The following PWWP3B variants were observed in gnomAD, a reference collection of about 807,000 sequenced individuals.
PWWP3B encodes PWWP domain-containing DNA repair factor 3B.
A neutral mutation model predicts 15.7 loss-of-function variants in PWWP3B; 5 were observed. That is an observed-to-expected ratio of 0.32 (90% confidence interval 0.17 to 0.67). The LOEUF (loss-of-function observed/expected upper bound fraction) is 0.67, where lower values mean the gene tolerates loss of function less well. Ranked by LOEUF, PWWP3B falls within the 30% of genes least tolerant of loss-of-function variation. The probability of loss-of-function intolerance (pLI) is 0.74; values close to 1 mark genes in which losing one functional copy is unlikely to be tolerated. For synonymous variants in PWWP3B, 203 were observed against 179.8 expected (o/e 1.13, Z -1.03); for missense variants, 519 against 493.1 (o/e 1.05, Z -0.50).
intron 2 of PWWP3B, among the ~76,000 whole-genome samples, chrX:106,195,419 A>C (rs933861473): frequency 1.8e-5 from 2 of 111,598 alleles, no homozygotes; most frequent in African/African-American, 6.5e-5. Context: ...CTAGACCAAA[A>C]TCTTAAAGAT....
chrX:106,175,243 T>C (rs1468516335), intron 2 of PWWP3B, among the ~76,000 whole-genome samples: 26 of 88,886 alleles, frequency 2.9e-4, no homozygotes, highest in African/African-American at 8.7e-4. Context: ...TTTCTTTTTT[T>C]TTTTTTTTTT....
chrX:106,184,734 A>G (rs1331145703), intron 2 of PWWP3B, among the ~76,000 whole-genome samples: 1 of 112,075 alleles, frequency 8.9e-6, no homozygotes, highest in Non-Finnish European at 1.9e-5. Context: ...CTATATACCT[A>G]TCGGGATTGT....
intron 2 of PWWP3B, among the ~76,000 whole-genome samples, chrX:106,187,017 A>G (rs1486332382): frequency 8.9e-6 from 1 of 111,815 alleles, no homozygotes; most frequent in East Asian, 2.8e-4. Context: ...AAAGTTCTCC[A>G]AGTCCCCACT....
intron 2 of PWWP3B, among the ~76,000 whole-genome samples, chrX:106,194,198 C>T (rs905798352): frequency 5.4e-5 from 6 of 111,846 alleles, no homozygotes; most frequent in Admixed American, 1.9e-4. Context: ...TAGATTTGGT[C>T]TTTTCACATA....
intron 2 of PWWP3B, among the ~76,000 whole-genome samples, chrX:106,187,257 G>T (rs1394151819): frequency 8.9e-6 from 1 of 112,294 alleles, no homozygotes; most frequent in Non-Finnish European, 1.9e-5. Context: ...TGCAGTAGAG[G>T]TTTATTTGTC....
At chrX:106,172,540 G>A (rs932139296) in intron 2 of PWWP3B, among the ~76,000 whole-genome samples, 5 of 109,598 alleles carry the variant, frequency 4.6e-5, no homozygotes, top group Non-Finnish European at 9.5e-5. Flanking sequence ...GGTCAAGATC[G>A]TCAATATCAC....
At chrX:106,181,870 C>A (rs1023891043) in intron 2 of PWWP3B, among the ~76,000 whole-genome samples, 1 of 111,842 alleles carries the variant, frequency 8.9e-6, no homozygotes, top group Non-Finnish European at 1.9e-5. Context: ...ATAAATTTGA[C>A]AAGGAGGTTA....
intron 2 of PWWP3B, among the ~76,000 whole-genome samples, chrX:106,185,831 A>G (rs1282243703): frequency 1.8e-5 from 2 of 111,803 alleles, no homozygotes; most frequent in Non-Finnish European, 3.8e-5. Flanking sequence ...CATCATATGA[A>G]TAGGAAGGAT....
In PWWP3B at chrX:106,206,456, A is replaced by C. The variant is rs1011660322; in HGVS notation, c.1024A>C (p.Arg342=). Reference sequence around the variant, plus strand: ...TATGAGTAGTGAAAGAAATTTTCAGAGACTGGATTTTGAAGAACTTGAGGA... The same window carrying C: ...TATGAGTAGTGAAAGAAATTTTCAGCGACTGGATTTTGAAGAACTTGAGGA... ...HLMSSERNFQ[R]LDFEELEEEG... Residue 342 remains arginine, a synonymous_variant, in exon 4 of 4, where the codon AGA becomes CGA. Transcript: ENST00000357175. The C allele has an allele frequency of 4.1e-6, 5 of 1,209,691 alleles. No individual in the cohort carries two copies. The highest frequency in any genetic ancestry group is 4.5e-6 in the Non-Finnish European group (4 of 894,438).
chrX:106,205,063 C>T (rs1923912796), intron 3 of PWWP3B, among the ~76,000 whole-genome samples, 156 bp from the exon 4 acceptor site: 1 of 109,806 alleles, frequency 9.1e-6, no homozygotes, highest in Non-Finnish European at 1.9e-5. Context: ...TTCCACCCCT[C>T]CCCCCCGCAA....
chrX:106,171,761 T>A (rs949870732), intron 2 of PWWP3B, among the ~76,000 whole-genome samples: 1 of 110,388 alleles, frequency 9.1e-6, no homozygotes, highest in Non-Finnish European at 1.9e-5. Flanking sequence ...ACCATGTTAC[T>A]GTACTGAATA....
At chrX:106,192,462 A>G (rs1209214686) in intron 2 of PWWP3B, among the ~76,000 whole-genome samples, 3 of 111,074 alleles carry the variant, frequency 2.7e-5, no homozygotes, top group African/African-American at 9.8e-5. Context: ...GTAGCGGTCT[A>G]TCAATTTTGT....
In PWWP3B at chrX:106,184,599, A is replaced by G. The variant is rs750435094; in HGVS notation, c.-401+13460A>G. Among the ~76,000 whole-genome samples the G allele has an allele frequency of 4.5e-5, 5 of 111,938 alleles. No individual in the cohort carries two copies. In the South Asian group the frequency reaches 1.9e-3, roughly 42 times the overall value. On this transcript the variant is annotated intron_variant, in intron 2 of 3. Coordinates refer to ENST00000357175, the MANE Select transcript of PWWP3B (RefSeq NM_001171020.2). ...CATTTACTTGACTAAGATACCAGATATCTTCAAACTCTTGGGCTGCAGCTA... is the reference window on the plus strand; with the variant it reads ...CATTTACTTGACTAAGATACCAGATGTCTTCAAACTCTTGGGCTGCAGCTA...
Position 106,207,643 on chromosome X carries a change from T to A in PWWP3B, c.*120T>A. ...ATGGGAGCATGGATAATGTGTTCAC[T>A]TTTTTTTGAGATCTCTAGGATCTGT... On this transcript the variant is annotated 3_prime_UTR_variant, in exon 4 of 4. Coordinates refer to ENST00000357175, the MANE Select transcript of PWWP3B (RefSeq NM_001171020.2). 1.5e-6 allele frequency: 1 copy of A among 655,902 alleles called. No individual in the cohort carries two copies. The highest frequency in any genetic ancestry group is 2.1e-6 in the Non-Finnish European group (1 of 466,885). The allele number at this position is 655,902 out of a possible 1,213,427, so 54.1% of individuals were successfully genotyped here.
At chrX:106,194,637 T>A (rs1340922484) in intron 2 of PWWP3B, among the ~76,000 whole-genome samples, 1 of 111,748 alleles carries the variant, frequency 8.9e-6, no homozygotes, top group Non-Finnish European at 1.9e-5. Context: ...GAGTTTCCAG[T>A]TTTTCTGCTC....
At chrX:106,181,328 C>A (rs1453439709) in intron 2 of PWWP3B, among the ~76,000 whole-genome samples, 1 of 111,515 alleles carries the variant, frequency 9.0e-6, no homozygotes, top group Non-Finnish European at 1.9e-5. Flanking sequence ...TTATTTGTCC[C>A]CGCCCACGTC....
At chrX:106,199,182 G>C (rs956660277) in intron 2 of PWWP3B, among the ~76,000 whole-genome samples, 1 of 109,164 alleles carries the variant, frequency 9.2e-6, no homozygotes, top group African/African-American at 3.3e-5. Context: ...CCAAGTAGCT[G>C]GGACTACAGG....
chrX:106,202,042 CCT>C (rs971506878), intron 2 of PWWP3B, among the ~76,000 whole-genome samples: 1 of 111,589 alleles, frequency 9.0e-6, no homozygotes, highest in African/African-American at 3.3e-5. Context: ...GTTGGCATCC[CCT>C]GTTTATATTG....
chrX:106,182,039 T>A (rs1036801848), intron 2 of PWWP3B, among the ~76,000 whole-genome samples: 1 of 111,574 alleles, frequency 9.0e-6, no homozygotes, highest in Non-Finnish European at 1.9e-5. Flanking sequence ...CAGAATCTCA[T>A]ACTATCCCTG....
Sources: allele counts gnomAD v4.1 joint callset (sites outside exome capture counted in the v4.1 genomes callset), GRCh38; gene constraint gnomAD v4.1.1; transcripts MANE v1.5; gene names NCBI Gene and HGNC (gene_info 2026-07-23, HGNC 2026-07-21).